The following PCDH9 variants were observed in gnomAD, a reference collection of about 807,000 sequenced individuals.
PCDH9 encodes the protein protocadherin-9.
Under a neutral mutation model 70.6 loss-of-function variants are expected in PCDH9, and 24 were observed. That is an observed-to-expected ratio of 0.34 (90% CI 0.25 to 0.48). PCDH9 has a LOEUF of 0.48. Ranked by LOEUF, PCDH9 falls within the 20% of genes least tolerant of loss-of-function variation. PCDH9 has a pLI of 0.99. For synonymous variants in PCDH9, 562 were observed against 558.5 expected (o/e 1.01, Z -0.09); for missense variants, 1,281 against 1,503.6 (o/e 0.85, Z 2.45).
At chr13:66,670,586 T>C (rs2078160276) in intron 3 of PCDH9, among the ~76,000 whole-genome samples, 1 of 152,056 alleles carries the variant, frequency 6.6e-6, no homozygotes, top group East Asian at 1.9e-4. Flanking sequence ...TTACAGCAGA[T>C]GATTGGTACT....
chr13:66,402,458 G>A (rs995817988), intron 4 of PCDH9, among the ~76,000 whole-genome samples: 1 of 151,778 alleles, frequency 6.6e-6, no homozygotes, highest in African/African-American at 2.4e-5. Context: ...TTATAACTGG[G>A]TATATAGAGT....
intron 3 of PCDH9, among the ~76,000 whole-genome samples, chr13:66,899,250 G>T (rs1019001567): frequency 6.6e-6 from 1 of 151,932 alleles, no homozygotes; most frequent in Non-Finnish European, 1.5e-5. Context: ...TTTCTGTGGA[G>T]ATTTATAGCA....
chr13:66,975,501 T>C (rs562483609), intron 2 of PCDH9, among the ~76,000 whole-genome samples: 1 of 152,156 alleles, frequency 6.6e-6, no homozygotes, highest in South Asian at 2.1e-4. Flanking sequence ...AAAGCACAGA[T>C]ACATTAAGTA....
At chr13:67,013,692 T>C (rs891157238) in intron 2 of PCDH9, among the ~76,000 whole-genome samples, 11 of 151,036 alleles carry the variant, frequency 7.3e-5, no homozygotes, top group Non-Finnish European at 1.6e-4. Flanking sequence ...TCATCCTTAA[T>C]TGGTTGTCCT....
At chr13:66,645,148 T>C (rs2077755069) in intron 3 of PCDH9, among the ~76,000 whole-genome samples, 1 of 152,106 alleles carries the variant, frequency 6.6e-6, no homozygotes, top group African/African-American at 2.4e-5. Flanking sequence ...AAGAGTTTCA[T>C]CAGATTTGCA....
intron 3 of PCDH9, among the ~76,000 whole-genome samples, chr13:66,771,840 C>A (rs1275799464): frequency 6.6e-6 from 1 of 152,080 alleles, no homozygotes; most frequent in African/African-American, 2.4e-5. Flanking sequence ...GAAAAAGTTG[C>A]ATAAATCACT....
intron 2 of PCDH9, among the ~76,000 whole-genome samples, chr13:67,161,433 G>A (rs1275075921): frequency 6.6e-6 from 1 of 152,108 alleles, no homozygotes; most frequent in Non-Finnish European, 1.5e-5. Flanking sequence ...TTTCAGTGAC[G>A]GAAACACCTG....
intron 4 of PCDH9, among the ~76,000 whole-genome samples, chr13:66,425,393 C>T (rs1049129990): frequency 1.3e-5 from 2 of 151,578 alleles, no homozygotes; most frequent in South Asian, 4.1e-4. Context: ...AACTAAGTTT[C>T]CTACAGCCTG....
chr13:66,774,134 A>C (rs1217433129), intron 3 of PCDH9, among the ~76,000 whole-genome samples: 3 of 152,168 alleles, frequency 2.0e-5, no homozygotes, highest in Non-Finnish European at 2.9e-5. Flanking sequence ...ATTATGTAGG[A>C]ACATATTCAT....
Position 66,529,927 on chromosome 13 carries a change from C to T in PCDH9, c.3340+101283G>A, listed in dbSNP as rs1960377712. Reference sequence around the variant, plus strand: ...GTTGCAGAAAAAAAAATATTTTTTTCTAGGAATTTAATGATCCACAACTTT... The same window carrying T: ...GTTGCAGAAAAAAAAATATTTTTTTTTAGGAATTTAATGATCCACAACTTT... On this transcript the variant is annotated intron_variant, in intron 4 of 4. Coordinates refer to ENST00000377865, the MANE Select transcript of PCDH9 (RefSeq NM_203487.3). 7.3e-5 allele frequency among the ~76,000 whole-genome samples: 11 copies of T among 150,194 alleles called. No individual in the cohort carries two copies. In the South Asian group the frequency reaches 2.1e-3, roughly 29 times the overall value.
intron 4 of PCDH9, among the ~76,000 whole-genome samples, chr13:66,402,647 T>C (rs1593919740): frequency 6.6e-6 from 1 of 152,304 alleles, no homozygotes; most frequent in East Asian, 1.9e-4. Context: ...TTCTTATTAA[T>C]GCTGACACAC....
intron 4 of PCDH9, among the ~76,000 whole-genome samples, chr13:66,411,947 C>G (rs1037357211): frequency 2.6e-5 from 4 of 152,128 alleles, no homozygotes; most frequent in Non-Finnish European, 4.4e-5. Flanking sequence ...TCAAGCCACT[C>G]AAAACTATTT....
At chr13:66,918,776 A>G (rs145663446) in intron 2 of PCDH9, among the ~76,000 whole-genome samples, 38 of 151,402 alleles carry the variant, frequency 2.5e-4, no homozygotes, top group African/African-American at 9.2e-4. Context: ...TTTGTAAAAG[A>G]TTTATGATGA....
At chr13:66,485,053 T>C (rs754273756) in intron 4 of PCDH9, among the ~76,000 whole-genome samples, 3 of 152,238 alleles carry the variant, frequency 2.0e-5, no homozygotes, top group Non-Finnish European at 2.9e-5. Flanking sequence ...TATCTGTCAC[T>C]TTTTTATTCC....
At chr13:66,476,045 T>C (rs1958721326) in intron 4 of PCDH9, among the ~76,000 whole-genome samples, 1 of 152,072 alleles carries the variant, frequency 6.6e-6, no homozygotes, top group African/African-American at 2.4e-5. Context: ...CCCTCTCCAT[T>C]GTGCCCCTTC....
intron 3 of PCDH9, among the ~76,000 whole-genome samples, chr13:66,641,289 T>C (rs1036048741): frequency 6.6e-6 from 1 of 152,194 alleles, no homozygotes; most frequent in African/African-American, 2.4e-5. Flanking sequence ...CTTTCTAGTC[T>C]ATGATTCAAG....
intron 2 of PCDH9, among the ~76,000 whole-genome samples, chr13:66,975,011 T>G (rs2083589888): frequency 6.6e-6 from 1 of 152,062 alleles, no homozygotes; most frequent in Non-Finnish European, 1.5e-5. Flanking sequence ...TTTTACTCCT[T>G]TGTTTATTTT....
intron 2 of PCDH9, chr13:67,207,726 T>C (rs2089384302): frequency 6.6e-6 from 1 of 152,222 alleles, no homozygotes; most frequent in African/African-American, 2.4e-5. Context: ...CAGTTAGTTT[T>C]ACATATGTTT....
chr13:66,920,260 G>A lies in PCDH9; in HGVS notation c.3037-16655C>T, dbSNP rs564921701. 1.5e-3 allele frequency among the ~76,000 whole-genome samples: 228 copies of A among 151,214 alleles called. 1 individual carries two copies. The highest frequency in any genetic ancestry group is 3.4e-3 in the Middle Eastern group (1 of 294). Reference sequence around the variant, plus strand: ...TTTTTAAAGAAGATATGCAGAATAAGAATGAAAGAAAGTATCCCAAAATTG... The same window carrying A: ...TTTTTAAAGAAGATATGCAGAATAAAAATGAAAGAAAGTATCCCAAAATTG... On this transcript the variant is annotated intron_variant, in intron 2 of 4. Transcript: ENST00000377865.
Sources: allele counts gnomAD v4.1 joint callset (sites outside exome capture counted in the v4.1 genomes callset), GRCh38; gene constraint gnomAD v4.1.1; transcripts MANE v1.5; gene names NCBI Gene and HGNC (gene_info 2026-07-23, HGNC 2026-07-21).